Variants in TRAPPC8 observed in about 807,000 individuals in gnomAD.
TRAPPC8 encodes the protein trafficking protein particle complex subunit 8, also known as general sporulation gene 1 homolog.
A neutral mutation model predicts 174.3 loss-of-function variants in TRAPPC8; 54 were observed. The observed-to-expected ratio is 0.31, with a 90% confidence interval of 0.25 to 0.39. The LOEUF (loss-of-function observed/expected upper bound fraction) is 0.39, where lower values mean the gene tolerates loss of function less well. TRAPPC8 is among the 10% of genes least tolerant of loss of function. The pLI, the probability that TRAPPC8 is intolerant of heterozygous loss-of-function variation, is 1.00. For synonymous variants in TRAPPC8, 630 were observed against 579.9 expected (o/e 1.09, Z -1.24); for missense variants, 1,531 against 1,699.1 (o/e 0.90, Z 1.74).
chr18:31,933,657 G>C (rs1196061488), intron 1 of TRAPPC8, among the ~76,000 whole-genome samples: 3 of 151,952 alleles, frequency 2.0e-5, no homozygotes, highest in Non-Finnish European at 4.4e-5. Context: ...AAGTGGTCTG[G>C]GTACCTACAA....
Position 31,877,963 on chromosome 18 carries a change from C to T in TRAPPC8, c.1729-3259G>A, listed in dbSNP as rs956843737. The stretch of plus-strand genomic sequence containing the variant: ...AAAAAGTGACCCCATGCCAACTGGG[C>T]TTGCAGGAAGGGCAAGGCCCAATTC... On this transcript the variant is annotated intron_variant, in intron 12 of 28. Coordinates refer to ENST00000283351, the MANE Select transcript of TRAPPC8 (RefSeq NM_014939.5). Among the ~76,000 whole-genome samples the T allele has an allele frequency of 2.6e-5, 4 of 151,112 alleles. No homozygotes were observed. In the East Asian group the frequency reaches 7.8e-4, roughly 29 times the overall value.
chr18:31,932,649 A>G (rs1180828011), intron 1 of TRAPPC8, among the ~76,000 whole-genome samples: 2 of 152,160 alleles, frequency 1.3e-5, no homozygotes, highest in Admixed American at 1.3e-4. Flanking sequence ...ATATTTTTTC[A>G]CATAATCAGA....
chr18:31,841,483 T>C (rs955952596), intron 26 of TRAPPC8, among the ~76,000 whole-genome samples: 2 of 152,156 alleles, frequency 1.3e-5, no homozygotes, highest in Non-Finnish European at 2.9e-5. Flanking sequence ...ATGTGGGATG[T>C]AGGTGGAAGT....
In TRAPPC8 at chr18:31,942,685, T is replaced by C. The variant is rs1568166619; in HGVS notation, c.80A>G (p.Glu27Gly). 1 of 1,609,528 alleles carries C rather than the reference T, an allele frequency of 6.2e-7. No individual in the cohort carries two copies. The highest frequency in any genetic ancestry group is 1.7e-5 in the Admixed American group (1 of 59,250). Residue 27 changes from glutamate (E) to glycine (G), a missense_variant, in exon 1 of 29, where the codon GAA becomes GGA. Coordinates refer to ENST00000283351, the MANE Select transcript of TRAPPC8 (RefSeq NM_014939.5). ...VPCVAALCSD[E>G]AERLTRLNHL... ...ATTGAGACGAGTGAGCCGCTCGGCT[T>C]CGTCGCTGCACAGCGCAGCGACACA...
intron 27 of TRAPPC8, among the ~76,000 whole-genome samples, chr18:31,836,138 G>A (rs1568027711): frequency 6.6e-6 from 1 of 152,176 alleles, no homozygotes; most frequent in Non-Finnish European, 1.5e-5. Flanking sequence ...GGTATGATCT[G>A]CAGACATTTT....
At chr18:31,927,667 C>A (rs1284600527) in intron 2 of TRAPPC8, among the ~76,000 whole-genome samples, 1 of 152,110 alleles carries the variant, frequency 6.6e-6, no homozygotes, top group Non-Finnish European at 1.5e-5. Flanking sequence ...CTTCCCAAAG[C>A]GCTGGGATTA....
At chr18:31,884,578 C>T (rs1175652419) in intron 12 of TRAPPC8, among the ~76,000 whole-genome samples, 4 of 152,174 alleles carry the variant, frequency 2.6e-5, no homozygotes, top group Non-Finnish European at 5.9e-5. Flanking sequence ...AACCTCCATC[C>T]TAAAAAATGG....
At chr18:31,867,306 C>A (rs2083252240) in intron 17 of TRAPPC8, 96 bp downstream of exon 17, 2 of 942,468 alleles carry the variant, frequency 2.1e-6, no homozygotes, top group Admixed American at 2.7e-5. Context: ...CTTAAGAAAA[C>A]TAGAATATAA....
chr18:31,920,218 A>C (rs978063524), intron 2 of TRAPPC8, among the ~76,000 whole-genome samples: 2 of 152,264 alleles, frequency 1.3e-5, no homozygotes, highest in Admixed American at 1.3e-4. Flanking sequence ...CAAATGACAG[A>C]TAAATTATAG....
chr18:31,871,732 T>TCTCATGTACTGCAGCATGAATC (rs2034872142), intron 14 of TRAPPC8, among the ~76,000 whole-genome samples: 2 of 152,202 alleles, frequency 1.3e-5, no homozygotes, highest in Non-Finnish European at 2.9e-5. Context: ...TAGCATGAAT[T>TCTCATGTACTGCAGCATGAATC]CTCATGTACT....
intron 2 of TRAPPC8, among the ~76,000 whole-genome samples, chr18:31,927,456 T>C (rs2037664833): frequency 6.6e-6 from 1 of 152,144 alleles, no homozygotes; most frequent in Non-Finnish European, 1.5e-5. Flanking sequence ...AGGGTTTCAC[T>C]GTGTTGGCCA....
chr18:31,920,638 A>C lies in TRAPPC8; in HGVS notation c.353-2971T>G, dbSNP rs11662221. Among the ~76,000 whole-genome samples, 1,108 of 150,558 alleles carry C rather than the reference A, an allele frequency of 7.4e-3. 9 individuals are homozygous for C. Among genetic ancestry groups the C allele is most frequent in the Non-Finnish European group, 0.012 (841 of 67,538 alleles). On this transcript the variant is annotated intron_variant, in intron 2 of 28. Transcript: ENST00000283351. ...AACATGGTGAAACCCCATCTCTACT[A>C]AAAAAAAATACAAAAAAATGGCCAG...
At chr18:31,874,448 A>T (rs374667555) in intron 13 of TRAPPC8, 32 bp downstream of exon 13, 1 of 1,568,040 alleles carries the variant, frequency 6.4e-7, no homozygotes, top group Non-Finnish European at 8.8e-7. Flanking sequence ...TACAGTTTTA[A>T]TATCTATTCC....
Position 31,832,079 on chromosome 18 carries a change from T to C in TRAPPC8, c.4073+5A>G, listed in dbSNP as rs1203947512. On this transcript the variant is annotated splice_donor_5th_base_variant and intron_variant, in intron 28 of 28. Coordinates refer to ENST00000283351, the MANE Select transcript of TRAPPC8 (RefSeq NM_014939.5). Reference sequence around the variant, plus strand: ...CAAATAACCTTGCACTAAACAAATCTTTACCTTGTTGTTTTATGCCGAAGA... The same window carrying C: ...CAAATAACCTTGCACTAAACAAATCCTTACCTTGTTGTTTTATGCCGAAGA... The C allele has an allele frequency of 1.0e-5, 16 of 1,530,180 alleles. No individual in the cohort carries two copies. Among genetic ancestry groups the C allele is most frequent in the Non-Finnish European group, 1.7e-6 (2 of 1,145,686 alleles). The allele number at this position is 1,530,180 out of a possible 1,614,324, so 94.8% of individuals were successfully genotyped here.
rs974006583 is a variant in TRAPPC8 at position 31,829,256 on chromosome 18, AT to A, written c.*1498del. On this transcript the variant is annotated 3_prime_UTR_variant, in exon 29 of 29. Coordinates refer to ENST00000283351, the MANE Select transcript of TRAPPC8 (RefSeq NM_014939.5). Reference sequence around the variant, plus strand: ...TTCAGTTGTAGGTTTATATAGTTTAATTTTTTTATTAGTGTCTGTTTAACAA... The same window carrying A: ...TTCAGTTGTAGGTTTATATAGTTTAATTTTTTATTAGTGTCTGTTTAACAA... 1.3e-5 allele frequency: 2 copies of A among 152,104 alleles called. No individual in the cohort carries two copies. Among genetic ancestry groups the A allele is most frequent in the Admixed American group, 6.5e-5 (1 of 15,268 alleles). The allele number at this position is 152,104 out of a possible 1,614,324, so 9.4% of individuals were successfully genotyped here.
Position 31,849,716 on chromosome 18 carries a change from A to C in TRAPPC8, c.3585T>G (p.Cys1195Trp). 1 of 1,607,876 alleles carries C rather than the reference A, an allele frequency of 6.2e-7. No individual in the cohort carries two copies. The change falls in exon 25 of 29, where the codon TGT becomes TGG. Residue 1195 changes from cysteine (C) to tryptophan (W), a missense_variant. By Grantham distance (215) the Cys-to-Trp change is radical. Transcript: ENST00000283351. ...ATAAACTTCGATAAAAGAAGTCTGC[A>C]CATGGGCTTGCTGAACTTATTATCT... ...NEQIISSASPCADFFYRSLSS... is the reference protein window; with the variant it reads ...NEQIISSASPWADFFYRSLSS...
At chr18:31,843,919 G>A (rs1035222465) in intron 26 of TRAPPC8, among the ~76,000 whole-genome samples, 12 of 152,244 alleles carry the variant, frequency 7.9e-5, no homozygotes, top group African/African-American at 2.6e-4. Context: ...TGTAAAATGG[G>A]TGTAATTCTA....
chr18:31,932,997 CA>C lies in TRAPPC8; in HGVS notation c.158-1475del, dbSNP rs35234467. Among the ~76,000 whole-genome samples the C allele has an allele frequency of 9.4e-3, 400 of 42,642 alleles. 3 individuals carry two copies. The highest frequency in any genetic ancestry group is 0.039 in the African/African-American group (260 of 6,688). 28.0% of individuals were successfully genotyped at this position (42,642 alleles called of 152,430 possible). ...TGGGCGACAGAGTGAGACTCCGTCT[CA>C]AAAAAAAAAAAAAAAAAAAAAAGCC... is the stretch of plus-strand genomic sequence containing the variant. On this transcript the variant is annotated intron_variant, in intron 1 of 28. Coordinates refer to ENST00000283351, the MANE Select transcript of TRAPPC8 (RefSeq NM_014939.5).
intron 14 of TRAPPC8, among the ~76,000 whole-genome samples, chr18:31,872,571 C>T (rs2034923115): frequency 6.6e-6 from 1 of 152,092 alleles, no homozygotes; most frequent in South Asian, 2.1e-4. Flanking sequence ...AGGCGCATGC[C>T]ACCACGCCCA....
Sources: allele counts gnomAD v4.1 joint callset (sites outside exome capture counted in the v4.1 genomes callset), GRCh38; gene constraint gnomAD v4.1.1; transcripts MANE v1.5; gene names NCBI Gene and HGNC (gene_info 2026-07-23, HGNC 2026-07-21).